Variants in SLC25A46 observed in about 807,000 individuals in gnomAD.
SLC25A46 encodes solute carrier family 25 member 46.
SLC25A46 carries 39 observed loss-of-function variants against 44.6 expected under a neutral mutation model. The ratio of observed to expected loss-of-function variants is 0.87; its 90% CI spans 0.68 to 1.14. SLC25A46 has a LOEUF of 1.14. Ranked by LOEUF, SLC25A46 falls within the 50% of genes most tolerant of loss-of-function variation. SLC25A46 has a pLI of 0.00. For synonymous variants in SLC25A46, 202 were observed against 185.8 expected, an observed-to-expected ratio of 1.09 and a Z score of -0.71; for missense variants, 547 against 522.7, an observed-to-expected ratio of 1.05 and a Z score of -0.45.
In SLC25A46 at chr5:110,739,328, C is replaced by G. The variant is rs904962071; in HGVS notation, c.209C>G (p.Ser70Cys). Reference sequence around the variant, plus strand: ...CCGCCCTACGGCGTGCCCACCACCTCCACCCCGTACGAAGGCCCCACGGAG... The same window carrying G: ...CCGCCCTACGGCGTGCCCACCACCTGCACCCCGTACGAAGGCCCCACGGAG... The part of the protein sequence containing the change: ...KSPPYGVPTT[S>C]TPYEGPTEEP... Residue 70 changes from serine (S) to cysteine (C), a missense_variant, in exon 1 of 8, where the codon TCC (serine) becomes TGC (cysteine). Coordinates refer to ENST00000355943, the MANE Select transcript of SLC25A46 (RefSeq NM_138773.4). The G allele has an allele frequency of 1.9e-6, 3 of 1,565,664 alleles. No individual in the cohort carries two copies. Among genetic ancestry groups the G allele is most frequent in the Non-Finnish European group, 2.6e-6 (3 of 1,155,888 alleles).
intron 1 of SLC25A46, among the ~76,000 whole-genome samples, chr5:110,740,115 A>G (rs1332223618): frequency 6.6e-6 from 1 of 152,200 alleles, no homozygotes; most frequent in African/African-American, 2.4e-5. Context: ...CGGAATCATG[A>G]CATAATTATT....
upstream of SLC25A46, chr5:110,738,825 T>C (rs947092884): frequency 5.3e-5 from 30 of 564,418 alleles, no homozygotes; most frequent in African/African-American, 5.3e-4. Flanking sequence ...TGGAATCTCT[T>C]TGGTACTGTG....
chr5:110,739,344 C>A lies in SLC25A46; in HGVS notation c.225C>A (p.Gly75=). Residue 75 remains glycine (G), a synonymous_variant, in exon 1 of 8, where the codon GGC becomes GGA. Transcript: ENST00000355943. ...GVPTTSTPYE[G]PTEEPFSSGG... ...CCACCACCTCCACCCCGTACGAAGGCCCCACGGAGGAACCCTTTTCCAGTG... is the reference window on the plus strand; with the variant it reads ...CCACCACCTCCACCCCGTACGAAGGACCCACGGAGGAACCCTTTTCCAGTG... The A allele has an allele frequency of 6.4e-7, 1 of 1,563,380 alleles. No homozygotes were observed. Among genetic ancestry groups the A allele is most frequent in the Non-Finnish European group, 8.7e-7 (1 of 1,155,290 alleles).
chr5:110,758,758 G>A (rs1030286581), intron 7 of SLC25A46, among the ~76,000 whole-genome samples: 1 of 151,682 alleles, frequency 6.6e-6, no homozygotes, highest in African/African-American at 2.4e-5. Context: ...CTCCAGCCTC[G>A]GTGACAGAGT....
chr5:110,743,654 A>G, intron 2 of SLC25A46, 76 bp from the exon 3 acceptor site: 2 of 775,246 alleles, frequency 2.6e-6, no homozygotes, highest in Admixed American at 6.2e-5. Context: ...GGCAAGAATA[A>G]TTTCAGAAAG....
chr5:110,762,673 A>G lies in SLC25A46; in HGVS notation c.*891A>G, dbSNP rs1246658110. 1 of 151,900 alleles carries G rather than the reference A, an allele frequency of 6.6e-6. No individual in the cohort carries two copies. The highest frequency in any genetic ancestry group is 2.4e-5 in the African/African-American group (1 of 41,406). The allele number at this position is 151,900 out of a possible 1,614,324, so 9.4% of individuals were successfully genotyped here. ...TAAGAGAGAATATAAAATAATCATG[A>G]CAATTACTACTGTTTCCACATTTAC... On this transcript the variant is annotated 3_prime_UTR_variant, in exon 8 of 8. Transcript: ENST00000355943.
rs574771465 is a variant in SLC25A46, at chr5:110,742,751, T to C, written c.326+662T>C. Among the ~76,000 whole-genome samples, 3 of 152,194 alleles carry C rather than the reference T, an allele frequency of 2.0e-5. No homozygotes were observed. In the South Asian group the frequency reaches 6.2e-4, roughly 32 times the overall value. ...TAAACACTCTAATGCTTACAAGATA[T>C]TTAGCAACATAGCATCTAGATTTTG... is the stretch of plus-strand genomic sequence containing the variant. On this transcript the variant is annotated intron_variant, in intron 2 of 7. Transcript: ENST00000355943.
At chr5:110,750,253 T>G (rs1799931652) in intron 5 of SLC25A46, among the ~76,000 whole-genome samples, 1 of 134,258 alleles carries the variant, frequency 7.4e-6, no homozygotes, top group Admixed American at 7.0e-5. Context: ...GAGTTTCTTG[T>G]TTTATTCTTT....
intron 7 of SLC25A46, among the ~76,000 whole-genome samples, chr5:110,757,815 C>T (rs1800154536): frequency 6.6e-6 from 1 of 152,068 alleles, no homozygotes; most frequent in Non-Finnish European, 1.5e-5. Context: ...TAAGGAAAAA[C>T]AACTAAGCAG....
At chr5:110,742,151 T>C (rs770206305) in intron 2 of SLC25A46, 62 bp downstream of exon 2, 18 of 1,175,740 alleles carry the variant, frequency 1.5e-5, no homozygotes, top group Non-Finnish European at 2.0e-5. Context: ...TTTTCTTTAA[T>C]TTACAATATT....
intron 1 of SLC25A46, 127 bp downstream of exon 1, chr5:110,739,529 C>T: frequency 2.4e-6 from 3 of 1,271,974 alleles, no homozygotes; most frequent in Non-Finnish European, 3.1e-6. Context: ...CGCGCCACAC[C>T]CTTTGCCCTC....
Position 110,763,940 on chromosome 5 carries a change from T to C in SLC25A46, c.*2158T>C, listed in dbSNP as rs1800324180. 6.6e-6 allele frequency: 1 copy of C among 151,890 alleles called. No homozygotes were observed. Among genetic ancestry groups the C allele is most frequent in the Non-Finnish European group, 1.5e-5 (1 of 67,864 alleles). The allele number at this position is 151,890 out of a possible 1,614,324, so 9.4% of individuals were successfully genotyped here. A position where few individuals can be genotyped will look rare whatever the true frequency, so the allele number is the denominator to read the frequency against. ...CTTAAATTTAAGCTAGCCAAATATGTTGCACTGAATTTTGAAAAGAATGAG... is the reference window on the plus strand; with the variant it reads ...CTTAAATTTAAGCTAGCCAAATATGCTGCACTGAATTTTGAAAAGAATGAG... On this transcript the variant is annotated 3_prime_UTR_variant, in exon 8 of 8. Transcript: ENST00000355943.
chr5:110,740,147 C>G (rs1183846902), intron 1 of SLC25A46, among the ~76,000 whole-genome samples: 1 of 152,158 alleles, frequency 6.6e-6, no homozygotes, highest in Non-Finnish European at 1.5e-5. Context: ...GTCAGAAAAG[C>G]TGCAACACTG....
Position 110,762,905 on chromosome 5 carries a change from A to G in SLC25A46, c.*1123A>G, listed in dbSNP as rs1025907707. The G allele has an allele frequency of 1.3e-5, 2 of 151,836 alleles. No individual in the cohort carries two copies. Among genetic ancestry groups the G allele is most frequent in the African/African-American group, 4.8e-5 (2 of 41,404 alleles). 9.4% of individuals were successfully genotyped at this position (151,836 alleles called of 1,614,324 possible). On this transcript the variant is annotated 3_prime_UTR_variant, in exon 8 of 8. Coordinates refer to ENST00000355943, the MANE Select transcript of SLC25A46 (RefSeq NM_138773.4). ...GATGTACGTGGAGGGAAAAGCAATT[A>G]TTCTTATCACCTTTTATTTAAACTT...
At chr5:110,740,491 A>T (rs1477221105) in intron 1 of SLC25A46, among the ~76,000 whole-genome samples, 1 of 152,140 alleles carries the variant, frequency 6.6e-6, no homozygotes, top group Non-Finnish European at 1.5e-5. Context: ...GTTCCTTGAC[A>T]CAAGCAGGGG....
chr5:110,761,953 T>A lies in SLC25A46; in HGVS notation c.*171T>A, dbSNP rs1477241638. On this transcript the variant is annotated 3_prime_UTR_variant, in exon 8 of 8. Transcript: ENST00000355943. The surrounding 1 kb of genome is among the most constrained non-coding windows in gnomAD (Gnocchi z 5.3). ...TTGTTTTTTAAGGCATAGGTATATATTTTGGATCAAAATCCTTCCAAATTT... is the reference window on the plus strand; with the variant it reads ...TTGTTTTTTAAGGCATAGGTATATAATTTGGATCAAAATCCTTCCAAATTT... 1.8e-6 allele frequency: 1 copy of A among 568,778 alleles called. No individual in the cohort carries two copies. Among genetic ancestry groups the A allele is most frequent in the Non-Finnish European group, 3.0e-6 (1 of 332,082 alleles). 35.2% of individuals were successfully genotyped at this position (568,778 alleles called of 1,614,324 possible).
intron 3 of SLC25A46, 29 bp from the exon 4 acceptor site, chr5:110,746,240 A>G: frequency 6.7e-7 from 1 of 1,497,368 alleles, no homozygotes; most frequent in South Asian, 1.2e-5. Flanking sequence ...ACATTAACAG[A>G]AAAAAATAAT....
At chr5:110,739,426 AG>A in intron 1 of SLC25A46, 24 bp downstream of exon 1, 1 of 1,523,992 alleles carries the variant, frequency 6.6e-7, no homozygotes, top group Non-Finnish European at 8.7e-7. Context: ...GGACCGACAC[AG>A]GGATGAGGGG....
At chr5:110,756,915 T>C (rs1354901721) in intron 7 of SLC25A46, 156 bp downstream of exon 7, 1 of 435,074 alleles carries the variant, frequency 2.3e-6, no homozygotes, top group Non-Finnish European at 4.0e-6. Context: ...ACGTTGCTTG[T>C]CTGTATATTT....
Sources: gnomAD v4.1 joint callset for allele counts (sites outside exome capture counted in the v4.1 genomes callset) on GRCh38, gnomAD v4.1.1 for gene constraint, Gnocchi (gnomAD v3.1) non-coding constraint, MANE v1.5 for transcripts, NCBI Gene and HGNC (gene_info 2026-07-23, HGNC 2026-07-21) for gene names.